Variants in TRPM5 observed in about 807,000 individuals in gnomAD.
TRPM5 encodes the protein MLSN1 and TRP-related.
TRPM5 carries 121 observed loss-of-function variants against 124.9 expected under a neutral mutation model. The observed-to-expected ratio is 0.97, with a 90% CI of 0.84 to 1.13. The LOEUF (loss-of-function observed/expected upper bound fraction) is 1.13. Among genes scored for constraint, TRPM5 ranks in the 50% most tolerant of loss-of-function variants. The pLI is 0.00. For missense variants in TRPM5, 1,643 were observed against 1,589.1 expected (o/e 1.03, Z -0.58); for synonymous variants, 781 against 700.5 (o/e 1.11, Z -1.81).
rs112910292 is a variant in TRPM5 at position 2,405,752 on chromosome 11, G to A, written c.3325-159C>T. On this transcript the variant is annotated intron_variant, in intron 22 of 23. Coordinates refer to ENST00000155858, the Ensembl canonical transcript of TRPM5. Reference sequence around the variant, plus strand: ...ACAGGCAGGGGTGAGTGAGGCTCCCGTGAGGCGTGTAGAGTGAAAGGCGAG... The same window carrying A: ...ACAGGCAGGGGTGAGTGAGGCTCCCATGAGGCGTGTAGAGTGAAAGGCGAG... 4.1e-3 allele frequency among the ~76,000 whole-genome samples: 629 copies of A among 152,250 alleles called. 4 individuals are homozygous for A. The highest frequency in any genetic ancestry group is 0.034 in the Middle Eastern group (10 of 294).
At chr11:2,406,477 G>A (rs1462823100) in intron 21 of TRPM5, among the ~76,000 whole-genome samples, 184 bp downstream of exon 26, 1 of 152,160 alleles carries the variant, frequency 6.6e-6, no homozygotes, top group Non-Finnish European at 1.5e-5. Context: ...TGCCTGGCCA[G>A]GCGTCCCAGC....
At position 2,413,937 on chromosome 11, in the gene TRPM5, C is replaced by T; in HGVS notation, c.1890+124G>A. Reference sequence around the variant, plus strand: ...TCCAGGAACAGAAGCCCCACCCCGCCCCCTCTGTGCTGAGGACGGGAGTGA... The same window carrying T: ...TCCAGGAACAGAAGCCCCACCCCGCTCCCTCTGTGCTGAGGACGGGAGTGA... On this transcript the variant is annotated intron_variant, in intron 12 of 23. Coordinates refer to ENST00000155858, the Ensembl canonical transcript of TRPM5. The T allele has an allele frequency of 6.7e-6, 9 of 1,348,374 alleles. No homozygotes were observed. The South Asian group carries it at 1.2e-4, about 18-fold the overall frequency. The allele number at this position is 1,348,374 out of a possible 1,614,324, so 83.5% of individuals were successfully genotyped here.
chr11:2,416,474 G>A (rs1845682947), intron 7 of TRPM5, among the ~76,000 whole-genome samples: 1 of 152,130 alleles, frequency 6.6e-6, no homozygotes, highest in Non-Finnish European at 1.5e-5. Flanking sequence ...GGCTGGGTGC[G>A]CCTGCTGGAA....
intron 18 of TRPM5, among the ~76,000 whole-genome samples, chr11:2,411,066 G>T (rs1003402001): frequency 6.6e-6 from 1 of 152,130 alleles, no homozygotes; most frequent in African/African-American, 2.4e-5. Context: ...CAAGCAGGAG[G>T]CAGCCCTGGC....
intron 3 of TRPM5, 89 bp from the exon 9 acceptor site, chr11:2,420,494 A>G: frequency 1.4e-6 from 2 of 1,389,252 alleles, no homozygotes; most frequent in African/African-American, 2.9e-5. Flanking sequence ...GGCCGTGCAC[A>G]CCACGCCATG....
At chr11:2,440,593 CT>C in the TRPM5 span, among the ~76,000 whole-genome samples, 1 of 152,150 alleles carries the variant, frequency 6.6e-6, no homozygotes, top group Non-Finnish European at 1.5e-5. This position sits in a 1 kb window ranked among gnomAD's most constrained non-coding sequence, Gnocchi z 5.2. Context: ...GGAGACGCCC[CT>C]GGGACCCTTG....
chr11:2,408,165 C>A (rs926817716), intron 18 of TRPM5, among the ~76,000 whole-genome samples: 1 of 152,174 alleles, frequency 6.6e-6, no homozygotes, highest in African/African-American at 2.4e-5. Context: ...TGAGCTTCCA[C>A]CAGGGGCTGG....
chr11:2,419,851 G>T (rs921350733), intron 4 of TRPM5, among the ~76,000 whole-genome samples: 2 of 152,204 alleles, frequency 1.3e-5, no homozygotes, highest in Non-Finnish European at 2.9e-5. Context: ...CATACCTCAC[G>T]CCTGGCGGCG....
downstream of TRPM5, among the ~76,000 whole-genome samples, chr11:2,404,202 G>A (rs1850266456): frequency 6.6e-6 from 1 of 152,352 alleles, no homozygotes; most frequent in East Asian, 1.9e-4. Flanking sequence ...GACAAAATGG[G>A]TGTGGACAGA....
In TRPM5 at chr11:2,412,256, G is replaced by A. The variant is rs747230872; in HGVS notation, c.2356-3C>T. ...GTGTCCTCGTCTGTGAAGAAGCCCT[G>A]GGAGGGAGGTGGGCAGTCCACTGAC... is the stretch of plus-strand genomic sequence containing the variant. On this transcript the variant is annotated splice_polypyrimidine_tract_variant and splice_region_variant and intron_variant, in intron 15 of 23. Coordinates refer to ENST00000155858, the Ensembl canonical transcript of TRPM5. 40 of 1,611,126 alleles carry A rather than the reference G, an allele frequency of 2.5e-5. No individual in the cohort carries two copies. In the South Asian group the frequency reaches 4.1e-4, roughly 16 times the overall value.
chr11:2,405,892 G>C, intron 22 of TRPM5, 127 bp downstream of exon 27: 2 of 878,280 alleles, frequency 2.3e-6, no homozygotes, highest in Non-Finnish European at 3.6e-6. Context: ...GCCCACTGGG[G>C]TGCTCCTGTC....
chr11:2,421,163 G>T, exon 3 of TRPM5: 1 of 1,541,774 alleles, frequency 6.5e-7, no homozygotes, highest in Non-Finnish European at 8.7e-7. Context: ...TGCCTGGCCA[G>T]GCCCACGCGG....
chr11:2,439,551 T>C, the TRPM5 span, among the ~76,000 whole-genome samples: 1 of 152,200 alleles, frequency 6.6e-6, no homozygotes, highest in African/African-American at 2.4e-5. Flanking sequence ...AAGACATCCA[T>C]GCGGTCAACA....
chr11:2,409,202 G>A (rs554750943), intron 18 of TRPM5, among the ~76,000 whole-genome samples: 5 of 152,164 alleles, frequency 3.3e-5, no homozygotes, highest in South Asian at 2.1e-4. Flanking sequence ...CCCTCCCCAC[G>A]CTCCCACCCT....
At chr11:2,414,319 C>T in intron 11 of TRPM5, 113 bp from the exon 17 acceptor site, 29 of 1,412,334 alleles carry the variant, frequency 2.1e-5, no homozygotes, top group Non-Finnish European at 2.7e-5. Flanking sequence ...ACCCTGCGTT[C>T]AACACGCAGG....
At position 2,414,945 on chromosome 11, in the gene TRPM5, G is replaced by A; in HGVS notation, c.1582C>T (p.Gln528Ter). 6.2e-7 allele frequency: 1 copy of A among 1,606,096 alleles called. No individual in the cohort carries two copies. The highest frequency in any genetic ancestry group is 8.5e-7 in the Non-Finnish European group (1 of 1,177,588). The stretch of plus-strand genomic sequence containing the variant: ...TAGGTGGCCATCTCGTGGCGGTTCT[G>A]CAGCACGGCCCACAGGAACAGGTCC... Residue 528 changes from glutamine (Q) to a stop codon, truncating the protein, a stop_gained, in exon 10 of 24, where the codon CAG becomes TAG. Transcript: ENST00000155858. LOFTEE classifies it high-confidence loss of function.
At chr11:2,443,470 C>G in the TRPM5 span, among the ~76,000 whole-genome samples, 1 of 152,194 alleles carries the variant, frequency 6.6e-6, no homozygotes, top group Non-Finnish European at 1.5e-5. The surrounding 1 kb of genome is among the most constrained non-coding windows in gnomAD (Gnocchi z 5.0). Context: ...AAGGTACCCT[C>G]TCCTCGGCCT....
At chr11:2,416,995 A>G (rs1031140182) in intron 7 of TRPM5, among the ~76,000 whole-genome samples, 2 of 152,308 alleles carry the variant, frequency 1.3e-5, no homozygotes, top group African/African-American at 4.8e-5. Flanking sequence ...ATGGACACGA[A>G]ATGCCCGTCA....
chr11:2,415,067 G>GCCTCCTGCTGCGGCCCCAGCCTCGC lies in TRPM5; in HGVS notation c.1479+29_1480-21dup, dbSNP rs781344360. 5.0e-6 allele frequency: 8 copies of GCCTCCTGCTGCGGCCCCAGCCTCGC among 1,592,734 alleles called. No homozygotes were observed. In the African/African-American group the frequency reaches 9.4e-5, roughly 19 times the overall value. On this transcript the variant is annotated intron_variant, in intron 9 of 23. Transcript: ENST00000155858. Reference sequence around the variant, plus strand: ...CTTCTCCTGGAGGACACGGGCGTCGGCCTCCTGCTGCGGCCCCAGCCTCGC... The same window carrying GCCTCCTGCTGCGGCCCCAGCCTCGC: ...CTTCTCCTGGAGGACACGGGCGTCGGCCTCCTGCTGCGGCCCCAGCCTCGCCCTCCTGCTGCGGCCCCAGCCTCGC...
Sources: allele counts gnomAD v4.1 joint callset (sites outside exome capture counted in the v4.1 genomes callset), GRCh38; gene constraint gnomAD v4.1.1; non-coding constraint Gnocchi (gnomAD v3.1); transcripts MANE v1.5; gene names NCBI Gene and HGNC (gene_info 2026-07-23, HGNC 2026-07-21).